Variants in ZNF280B observed in about 807,000 individuals in gnomAD.
The protein encoded by ZNF280B is suppressor of hairy wing homolog 2.
In ZNF280B, 16 loss-of-function variants were observed where a neutral mutation model predicts 38.0. The ratio of observed to expected loss-of-function variants is 0.42; its 90% CI spans 0.28 to 0.64. ZNF280B has a LOEUF of 0.64. Ranked by LOEUF, ZNF280B falls within the 30% of genes least tolerant of loss-of-function variation. The probability of loss-of-function intolerance (pLI) is 0.21; values close to 1 mark genes in which losing one functional copy is unlikely to be tolerated. For synonymous variants in ZNF280B, 253 were observed against 230.6 expected (o/e 1.10, Z -0.88); for missense variants, 581 against 639.6 (o/e 0.91, Z 0.99).
chr22:22,485,104 A>T lies in ZNF280B; in HGVS notation c.*2663T>A, dbSNP rs1015194587. On this transcript the variant is annotated 3_prime_UTR_variant, in exon 4 of 4. Transcript: ENST00000626650. Reference sequence around the variant, plus strand: ...TCATTGGGGAAAACAGTGGAGAAGCATGACAGAGAATGAAAAAGAGAGGAA... The same window carrying T: ...TCATTGGGGAAAACAGTGGAGAAGCTTGACAGAGAATGAAAAAGAGAGGAA... 6.6e-6 allele frequency: 1 copy of T among 152,340 alleles called. No individual in the cohort carries two copies. Among genetic ancestry groups the T allele is most frequent in the African/African-American group, 2.4e-5 (1 of 41,404 alleles). 9.4% of individuals were successfully genotyped at this position (152,340 alleles called of 1,614,324 possible). A position where few individuals can be genotyped will look rare whatever the true frequency, so the allele number is the denominator to read the frequency against.
chr22:22,497,208 T>TAAAA lies in ZNF280B; in HGVS notation c.-186-3032_-186-3029dup, dbSNP rs71199486. Among the ~76,000 whole-genome samples, 13 of 33,640 alleles carry TAAAA rather than the reference T, an allele frequency of 3.9e-4. 4 individuals are homozygous for TAAAA. Among genetic ancestry groups the TAAAA allele is most frequent in the Non-Finnish European group, 7.0e-4 (12 of 17,250 alleles). 22.1% of individuals were successfully genotyped at this position (33,640 alleles called of 152,430 possible). On this transcript the variant is annotated intron_variant, in intron 2 of 3. Transcript: ENST00000626650. ...TGAGCAGAATCTTGGTCTCCATCTT[T>TAAAA]AAAAAAAAAAAAAAAAAAAAAAAAA...
At position 22,497,208 on chromosome 22, in the gene ZNF280B, TAAAAAAAAAAAAAAAAAAA is replaced by T. The variant is rs71199486; in HGVS notation, c.-186-3047_-186-3029del. Among the ~76,000 whole-genome samples, 36 of 33,636 alleles carry T rather than the reference TAAAAAAAAAAAAAAAAAAA, an allele frequency of 1.1e-3. No homozygotes were observed. The East Asian group carries it at 0.012, about 11-fold the overall frequency. The allele number at this position is 33,636 out of a possible 152,430, so 22.1% of individuals were successfully genotyped here. A position where few individuals can be genotyped will look rare whatever the true frequency, so the allele number is the denominator to read the frequency against. Reference sequence around the variant, plus strand: ...TGAGCAGAATCTTGGTCTCCATCTTTAAAAAAAAAAAAAAAAAAAAAAAAAAAAAAAAAAAAAAAAGGCC... The same window carrying T: ...TGAGCAGAATCTTGGTCTCCATCTTTAAAAAAAAAAAAAAAAAAAAAGGCC... On this transcript the variant is annotated intron_variant, in intron 2 of 3. Coordinates refer to ENST00000626650, the MANE Select transcript of ZNF280B (RefSeq NM_080764.4).
intron 2 of ZNF280B, among the ~76,000 whole-genome samples, 195 bp downstream of exon 2, chr22:22,507,615 C>T (rs887918602): frequency 6.6e-6 from 1 of 150,906 alleles, no homozygotes; most frequent in Non-Finnish European, 1.5e-5. Flanking sequence ...CCTTTCTCAA[C>T]AAAGCAATTT....
chr22:22,494,938 G>A (rs954463532), intron 2 of ZNF280B, among the ~76,000 whole-genome samples: 1 of 151,898 alleles, frequency 6.6e-6, no homozygotes, highest in African/African-American at 2.4e-5. Context: ...ATGTTGGCCA[G>A]GCTGGTCTCA....
chr22:22,506,275 T>G (rs1328666732), intron 2 of ZNF280B, among the ~76,000 whole-genome samples: 1 of 151,546 alleles, frequency 6.6e-6, no homozygotes, highest in African/African-American at 2.4e-5. Flanking sequence ...TTCCATTGAT[T>G]AGAGGTCATG....
chr22:22,491,282 G>T lies in ZNF280B; in HGVS notation c.-68-1816C>A, dbSNP rs372288664. ...AACTTTATCCATTGGAAATTCCGTA[G>T]GCCAATAAAGGACTTAAAGCTAGCT... On this transcript the variant is annotated intron_variant, in intron 3 of 3. Coordinates refer to ENST00000626650, the MANE Select transcript of ZNF280B (RefSeq NM_080764.4). 4.3e-4 allele frequency among the ~76,000 whole-genome samples: 65 copies of T among 150,778 alleles called. 2 individuals carry two copies. The South Asian group carries it at 4.8e-3, about 11-fold the overall frequency.
chr22:22,503,447 A>G (rs2061867296), intron 2 of ZNF280B, among the ~76,000 whole-genome samples: 1 of 151,994 alleles, frequency 6.6e-6, no homozygotes, highest in Admixed American at 6.6e-5. Context: ...CCCATCTCCC[A>G]ACAACTGCTG....
At chr22:22,505,345 C>T (rs1201182217) in intron 2 of ZNF280B, among the ~76,000 whole-genome samples, 1 of 151,844 alleles carries the variant, frequency 6.6e-6, no homozygotes, top group Admixed American at 6.6e-5. Context: ...GCGGGTGGAT[C>T]ACCTGAGGTC....
intron 2 of ZNF280B, among the ~76,000 whole-genome samples, chr22:22,500,064 C>G (rs568537824): frequency 4.5e-4 from 69 of 152,042 alleles, no homozygotes; most frequent in African/African-American, 1.6e-3. Context: ...CCACCTCACA[C>G]CTAGTAGGAT....
rs745952119 is a variant in ZNF280B at position 22,488,315 on chromosome 22, T to C, written c.1084A>G (p.Ile362Val). ...FPTPFQLQCH[I>V]ENVHTAQEPS... ...TCCTGGGCAGTGTGGACATTTTCGA[T>C]GTGACACTGTAGCTGGAAGGGAGTG... is the stretch of plus-strand genomic sequence containing the variant. Residue 362 changes from isoleucine (I) to valine (V), a missense_variant, in exon 4 of 4, where the codon ATC (isoleucine) becomes GTC (valine). Transcript: ENST00000626650. 2.5e-6 allele frequency: 4 copies of C among 1,613,916 alleles called. No homozygotes were observed. The highest frequency in any genetic ancestry group is 1.1e-5 in the South Asian group (1 of 91,072).
In ZNF280B at chr22:22,499,556, C is replaced by T. The variant is rs1297267502; in HGVS notation, c.-186-5376G>A. The stretch of plus-strand genomic sequence containing the variant: ...TGCTGGGATTACAGGCGTGAGCCAC[C>T]ATGCCCAGCCTATACCATTTTAATA... On this transcript the variant is annotated intron_variant, in intron 2 of 3. Transcript: ENST00000626650. 1.8e-4 allele frequency among the ~76,000 whole-genome samples: 28 copies of T among 151,964 alleles called. 1 individual carries two copies. Among genetic ancestry groups the T allele is most frequent in the Admixed American group, 1.8e-3 (28 of 15,240 alleles).
intron 2 of ZNF280B, among the ~76,000 whole-genome samples, chr22:22,498,793 C>CTTTTTTT (rs60940298): frequency 0.052 from 4,325 of 83,562 alleles, 251 homozygotes; most frequent in South Asian, 0.13. Flanking sequence ...GGCCAATATC[C>CTTTTTTT]TTTTTTTTTT....
At chr22:22,491,457 CTTTTTTTT>C (rs55720546) in intron 3 of ZNF280B, among the ~76,000 whole-genome samples, 11 of 113,980 alleles carry the variant, frequency 9.7e-5, no homozygotes, top group Admixed American at 2.0e-4. Context: ...TGTCTTTTTT[CTTTTTTTT>C]TTTTTTTTTT....
At chr22:22,500,892 C>A (rs1004178089) in intron 2 of ZNF280B, among the ~76,000 whole-genome samples, 19 of 151,148 alleles carry the variant, frequency 1.3e-4, no homozygotes, top group African/African-American at 4.6e-4. Flanking sequence ...TGGTGGCACA[C>A]ACCTGTAGTC....
chr22:22,485,231 T>C lies in ZNF280B; in HGVS notation c.*2536A>G, dbSNP rs1217949660. 1 of 151,952 alleles carries C rather than the reference T, an allele frequency of 6.6e-6. No homozygotes were observed. Among genetic ancestry groups the C allele is most frequent in the Non-Finnish European group, 1.5e-5 (1 of 67,998 alleles). 9.4% of individuals were successfully genotyped at this position (151,952 alleles called of 1,614,324 possible). On this transcript the variant is annotated 3_prime_UTR_variant, in exon 4 of 4. Coordinates refer to ENST00000626650, the MANE Select transcript of ZNF280B (RefSeq NM_080764.4). ...TTAATGAGACTGCAAACAACAGTGT[T>C]GATAATACCAACCAATCACTCAACA...
chr22:22,495,584 G>A (rs1266385849), intron 2 of ZNF280B, among the ~76,000 whole-genome samples: 1 of 151,918 alleles, frequency 6.6e-6, no homozygotes, highest in Non-Finnish European at 1.5e-5. Flanking sequence ...TTTACGTAGT[G>A]TAGTCAGAGT....
rs577296146 is a variant in ZNF280B at position 22,492,995 on chromosome 22, A to G, written c.-69+1068T>C. ...GGCCATTAGATTTATCTGAAGATTA[A>G]TTAGTTTATTATTGTTATTATTTTT... On this transcript the variant is annotated intron_variant, in intron 3 of 3. Transcript: ENST00000626650. Among the ~76,000 whole-genome samples the G allele has an allele frequency of 2.0e-5, 3 of 151,882 alleles. No individual in the cohort carries two copies. The East Asian group carries it at 5.9e-4, about 30-fold the overall frequency.
intron 2 of ZNF280B, among the ~76,000 whole-genome samples, chr22:22,504,596 T>G (rs1569186012): frequency 6.6e-6 from 1 of 151,992 alleles, no homozygotes; most frequent in Non-Finnish European, 1.5e-5. Flanking sequence ...GAGAAATTGT[T>G]AATCTACAGA....
chr22:22,488,677 TTTGGAAAAGCTG>T lies in ZNF280B; in HGVS notation c.710_721del (p.Ala237_Lys241delinsGlu), dbSNP rs749800097. ...TATAGGCTTGAAATGGATATTGTCC[TTTGGAAAAGCTG>T]CTGGAAAAGGTGCTCCATTCTGAAC... On this transcript the variant is annotated inframe_deletion, in exon 4 of 4. Coordinates refer to ENST00000626650, the MANE Select transcript of ZNF280B (RefSeq NM_080764.4). 4.2e-5 allele frequency: 67 copies of T among 1,613,894 alleles called. No individual in the cohort carries two copies. Among genetic ancestry groups the T allele is most frequent in the Non-Finnish European group, 5.4e-5 (64 of 1,179,970 alleles).
Sources: allele counts gnomAD v4.1 joint callset (sites outside exome capture counted in the v4.1 genomes callset), GRCh38; gene constraint gnomAD v4.1.1; transcripts MANE v1.5; gene names NCBI Gene and HGNC (gene_info 2026-07-23, HGNC 2026-07-21).